Variants in SLC71A2 observed in about 807,000 individuals in gnomAD.
SLC71A2 encodes solute carrier family 71 member 2, also known as hippocampus abundant transcript-like 1.
the SLC71A2 span, among the ~76,000 whole-genome samples, chr9:94,378,501 A>G: frequency 0.69 from 104,655 of 151,546 alleles, 36,493 homozygotes; most frequent in Middle Eastern, 0.77. Flanking sequence ...GATGGTGCAT[A>G]CCTGTAGTCC....
At chr9:94,387,062 T>G in the SLC71A2 span, among the ~76,000 whole-genome samples, 1 of 152,144 alleles carries the variant, frequency 6.6e-6, no homozygotes, top group Non-Finnish European at 1.5e-5. Context: ...TCGGTGGTTT[T>G]CTACCTTTTC....
At chr9:94,422,835 ATATT>A in the SLC71A2 span, among the ~76,000 whole-genome samples, 1 of 151,642 alleles carries the variant, frequency 6.6e-6, no homozygotes, top group Non-Finnish European at 1.5e-5. Context: ...AGTTCTTTAT[ATATT>A]CTAGGTACAA....
the SLC71A2 span, chr9:94,374,902 G>T: frequency 3.2e-6 from 4 of 1,266,792 alleles, no homozygotes; most frequent in Non-Finnish European, 4.0e-6. Flanking sequence ...AAGCGCGCGG[G>T]CGCGCAGGCC....
the SLC71A2 span, among the ~76,000 whole-genome samples, chr9:94,426,055 A>G: frequency 2.0e-5 from 3 of 150,658 alleles, no homozygotes; most frequent in Non-Finnish European, 4.4e-5. Context: ...CCTAAAATTT[A>G]ATGCAGGGAC....
chr9:94,415,145 C>A, the SLC71A2 span: 3 of 1,588,740 alleles, frequency 1.9e-6, no homozygotes, highest in South Asian at 2.2e-5. Flanking sequence ...TTCATAATAA[C>A]TTTCTTTTTT....
the SLC71A2 span, chr9:94,429,402 C>A: frequency 1.6e-6 from 2 of 1,244,916 alleles, no homozygotes; most frequent in East Asian, 2.5e-5. Flanking sequence ...TTAAAAGTCA[C>A]TTTAAAATAC....
At chr9:94,429,193 T>C in the SLC71A2 span, 24 of 1,603,090 alleles carry the variant, frequency 1.5e-5, no homozygotes, top group Non-Finnish European at 2.0e-5. Context: ...TTGTAGGTTC[T>C]ACATGAAACA....
the SLC71A2 span, among the ~76,000 whole-genome samples, chr9:94,409,733 T>C: frequency 2.0e-5 from 3 of 152,008 alleles, no homozygotes; most frequent in East Asian, 5.8e-4. Context: ...TTTAGGAGTA[T>C]GTTTAAATAT....
At chr9:94,455,761 G>GGAA in the SLC71A2 span, among the ~76,000 whole-genome samples, 3 of 152,166 alleles carry the variant, frequency 2.0e-5, no homozygotes, top group Non-Finnish European at 4.4e-5. Context: ...GGTCTAAAGA[G>GGAA]GAAGGCAGGT....
the SLC71A2 span, among the ~76,000 whole-genome samples, chr9:94,385,708 A>G: frequency 3.9e-5 from 6 of 152,162 alleles, no homozygotes; most frequent in Non-Finnish European, 8.8e-5. Context: ...CCATTGGTGT[A>G]TGTCTATCCT....
At chr9:94,409,628 C>T in the SLC71A2 span, among the ~76,000 whole-genome samples, 8 of 152,268 alleles carry the variant, frequency 5.3e-5, no homozygotes, top group African/African-American at 1.7e-4. Context: ...TCCTGTTAAG[C>T]GCTGCTTTAA....
the SLC71A2 span, among the ~76,000 whole-genome samples, chr9:94,451,862 C>T: frequency 2.0e-5 from 3 of 152,248 alleles, no homozygotes; most frequent in African/African-American, 7.2e-5. Flanking sequence ...TGGTGACTGG[C>T]ATCCACTCTT....
At chr9:94,434,678 T>A in the SLC71A2 span, among the ~76,000 whole-genome samples, 3 of 152,206 alleles carry the variant, frequency 2.0e-5, no homozygotes, top group Non-Finnish European at 4.4e-5. Context: ...ATAATAGTGG[T>A]CTTTCATTTC....
At chr9:94,378,441 A>G in the SLC71A2 span, among the ~76,000 whole-genome samples, 2 of 152,126 alleles carry the variant, frequency 1.3e-5, no homozygotes, top group African/African-American at 4.8e-5. Flanking sequence ...CAGCGTGGCC[A>G]ACATAGTGAA....
chr9:94,444,831 T>C, the SLC71A2 span: 4 of 709,106 alleles, frequency 5.6e-6, no homozygotes, highest in African/African-American at 1.8e-5. Flanking sequence ...GCTGCAGGTA[T>C]GCACCTGTGG....
the SLC71A2 span, chr9:94,458,517 A>G: frequency 9.0e-6 from 14 of 1,549,664 alleles, no homozygotes; most frequent in East Asian, 2.9e-4. Context: ...TGATTATAGC[A>G]AAATCTTGTG....
chr9:94,400,164 T>C, the SLC71A2 span, among the ~76,000 whole-genome samples: 1 of 151,914 alleles, frequency 6.6e-6, no homozygotes, highest in Non-Finnish European at 1.5e-5. Flanking sequence ...GAATGGGAGA[T>C]CAGTTTCGAA....
At chr9:94,400,597 C>T in the SLC71A2 span, among the ~76,000 whole-genome samples, 1 of 151,184 alleles carries the variant, frequency 6.6e-6, no homozygotes, top group Non-Finnish European at 1.5e-5. Context: ...CACTATTTCC[C>T]AGAGTTACTT....
the SLC71A2 span, among the ~76,000 whole-genome samples, chr9:94,418,403 T>C: frequency 2.0e-5 from 3 of 152,146 alleles, no homozygotes; most frequent in Non-Finnish European, 4.4e-5. Flanking sequence ...TTTATAATTT[T>C]TATATTCTAT....
Sources: allele counts gnomAD v4.1 joint callset (sites outside exome capture counted in the v4.1 genomes callset), GRCh38; gene constraint gnomAD v4.1.1; transcripts MANE v1.5; gene names NCBI Gene and HGNC (gene_info 2026-07-23, HGNC 2026-07-21).